ANO10: variants seen among roughly 807,000 people sequenced by gnomAD.
ANO10 encodes the protein anoctamin-10.
Under a neutral mutation model 74.7 loss-of-function variants are expected in ANO10, and 77 were observed. That is an observed-to-expected ratio of 1.03 (90% CI 0.86 to 1.25). ANO10 has a LOEUF of 1.25. Among genes scored for constraint, ANO10 ranks in the 50% most tolerant of loss-of-function variants. The probability of loss-of-function intolerance (pLI) is 0.00; values close to 1 mark genes in which losing one functional copy is unlikely to be tolerated. For synonymous variants in ANO10, 279 were observed against 284.9 expected, an observed-to-expected ratio of 0.98 and a Z score of 0.21; for missense variants, 721 against 778.1, an observed-to-expected ratio of 0.93 and a Z score of 0.87.
chr3:43,478,142 T>C (rs2076144637), intron 11 of ANO10, among the ~76,000 whole-genome samples: 1 of 152,204 alleles, frequency 6.6e-6, no homozygotes, highest in Non-Finnish European at 1.5e-5. Flanking sequence ...AGAGGTTACG[T>C]ATCCTGGCCA....
chr3:43,518,138 A>G (rs2077790136), intron 11 of ANO10, among the ~76,000 whole-genome samples: 2 of 152,192 alleles, frequency 1.3e-5, no homozygotes, highest in East Asian at 3.8e-4. Context: ...GGAAGTCAGG[A>G]ACCCTGAACG....
intron 1 of ANO10, among the ~76,000 whole-genome samples, chr3:43,668,092 T>A (rs2084013925): frequency 6.6e-6 from 1 of 152,106 alleles, no homozygotes; most frequent in Non-Finnish European, 1.5e-5. Flanking sequence ...CACACCAACG[T>A]CTATTGTTTT....
rs576045550 is a variant in ANO10 at position 43,579,251 on chromosome 3, T to C, written c.592+1102A>G. Among the ~76,000 whole-genome samples the C allele has an allele frequency of 7.9e-5, 12 of 152,132 alleles. No individual in the cohort carries two copies. In the East Asian group the frequency reaches 2.1e-3, roughly 27 times the overall value. On this transcript the variant is annotated intron_variant, in intron 5 of 12. Coordinates refer to ENST00000292246, the MANE Select transcript of ANO10 (RefSeq NM_018075.5). ...TTCTTATAATTATATTCAAAGAAAATTGACAGATCCAGTAATGCATGCCAA... is the reference window on the plus strand; with the variant it reads ...TTCTTATAATTATATTCAAAGAAAACTGACAGATCCAGTAATGCATGCCAA...
chr3:43,531,751 C>T (rs1249268559), intron 11 of ANO10, among the ~76,000 whole-genome samples: 1 of 151,898 alleles, frequency 6.6e-6, no homozygotes, highest in Non-Finnish European at 1.5e-5. Context: ...AAAAATTAGC[C>T]AGGCGTGGTA....
At chr3:43,479,856 T>C (rs576194921) in intron 11 of ANO10, among the ~76,000 whole-genome samples, 1 of 152,110 alleles carries the variant, frequency 6.6e-6, no homozygotes, top group South Asian at 2.1e-4. Context: ...CAAAGTCCCA[T>C]CCCCTCTCTC....
At chr3:43,601,214 G>A (rs2082324077) in intron 2 of ANO10, among the ~76,000 whole-genome samples, 1 of 152,102 alleles carries the variant, frequency 6.6e-6, no homozygotes, top group Non-Finnish European at 1.5e-5. Flanking sequence ...ATCAATTTTT[G>A]TTTGTTTTTG....
intron 12 of ANO10, among the ~76,000 whole-genome samples, chr3:43,381,223 T>C (rs567699495): frequency 6.6e-6 from 1 of 152,170 alleles, no homozygotes; most frequent in Non-Finnish European, 1.5e-5. Flanking sequence ...ATGTCACTAA[T>C]GTTGAATGTA....
intron 2 of ANO10, among the ~76,000 whole-genome samples, chr3:43,604,898 G>GAA (rs1169795333): frequency 6.6e-6 from 1 of 151,692 alleles, no homozygotes; most frequent in South Asian, 2.1e-4. Flanking sequence ...TCAACTGTTT[G>GAA]AAAAAAATTT....
intron 12 of ANO10, among the ~76,000 whole-genome samples, chr3:43,387,410 C>A (rs2092153882): frequency 6.6e-6 from 1 of 152,102 alleles, no homozygotes; most frequent in Non-Finnish European, 1.5e-5. Flanking sequence ...TGCTGGGCGG[C>A]AGGGAGAGCT....
At position 43,593,381 on chromosome 3, in the gene ANO10, G is replaced by T. The variant is rs545621451; in HGVS notation, c.472+5151C>A. Among the ~76,000 whole-genome samples the T allele has an allele frequency of 7.5e-4, 115 of 152,324 alleles. 1 individual carries two copies. The highest frequency in any genetic ancestry group is 2.7e-3 in the African/African-American group (111 of 41,558). Reference sequence around the variant, plus strand: ...AGAGAAAGGTCGGGTTACCCACAAAGGGAAGTCCATCAGACTAACAGCAGA... The same window carrying T: ...AGAGAAAGGTCGGGTTACCCACAAATGGAAGTCCATCAGACTAACAGCAGA... On this transcript the variant is annotated intron_variant, in intron 4 of 12. Transcript: ENST00000292246.
intron 12 of ANO10, among the ~76,000 whole-genome samples, chr3:43,390,109 G>T (rs918102570): frequency 2.1e-4 from 32 of 152,322 alleles, no homozygotes; most frequent in African/African-American, 7.7e-4. Flanking sequence ...GGGAAGTAGG[G>T]TCTCACACGA....
intron 2 of ANO10, 110 bp downstream of exon 2, chr3:43,605,604 T>C (rs2082523740): frequency 7.0e-7 from 1 of 1,425,492 alleles, no homozygotes; most frequent in Non-Finnish European, 9.7e-7. Context: ...CAACGAAAAT[T>C]ATAAAACACA....
chr3:43,559,103 C>T (rs2079902096), intron 9 of ANO10, among the ~76,000 whole-genome samples: 1 of 152,194 alleles, frequency 6.6e-6, no homozygotes, highest in East Asian at 1.9e-4. Context: ...CATAGAGCTT[C>T]ATTTGCTTAT....
At chr3:43,592,441 A>T (rs2081834367) in intron 4 of ANO10, among the ~76,000 whole-genome samples, 1 of 152,226 alleles carries the variant, frequency 6.6e-6, no homozygotes, top group African/African-American at 2.4e-5. Flanking sequence ...CCATTCTGCA[A>T]TATTTGCAGT....
At chr3:43,377,458 T>A (rs772400651) in intron 12 of ANO10, among the ~76,000 whole-genome samples, 38 of 152,160 alleles carry the variant, frequency 2.5e-4, no homozygotes, top group Non-Finnish European at 5.0e-4. Flanking sequence ...CCTTCAGGAA[T>A]AACTACTTTC....
At chr3:43,480,835 T>C (rs1202487261) in intron 11 of ANO10, among the ~76,000 whole-genome samples, 2 of 152,064 alleles carry the variant, frequency 1.3e-5, no homozygotes, top group Non-Finnish European at 2.9e-5. Flanking sequence ...GAATCAATGA[T>C]AGGTACACAG....
At chr3:43,584,866 T>G (rs1368124877) in intron 4 of ANO10, among the ~76,000 whole-genome samples, 2 of 152,102 alleles carry the variant, frequency 1.3e-5, no homozygotes, top group Non-Finnish European at 2.9e-5. Flanking sequence ...TGGGGAGTGT[T>G]TCTCATGAAA....
intron 11 of ANO10, among the ~76,000 whole-genome samples, chr3:43,458,374 T>A (rs1185725399): frequency 6.6e-6 from 1 of 152,200 alleles, no homozygotes; most frequent in Non-Finnish European, 1.5e-5. Flanking sequence ...TGTTTTTTCC[T>A]TCTTGGAAGG....
At chr3:43,367,081 G>A (rs955339704) in intron 12 of ANO10, 107 bp from the exon 13 acceptor site, 38 of 1,070,274 alleles carry the variant, frequency 3.6e-5, no homozygotes, top group Non-Finnish European at 4.4e-5. Context: ...CCAGGGAAGT[G>A]GTGACTCTGA....
Sources: gnomAD v4.1 joint callset for allele counts (sites outside exome capture counted in the v4.1 genomes callset) on GRCh38, gnomAD v4.1.1 for gene constraint, MANE v1.5 for transcripts, NCBI Gene and HGNC (gene_info 2026-07-23, HGNC 2026-07-21) for gene names.